Variants in KCNH8 observed in about 807,000 individuals in gnomAD.
The protein encoded by KCNH8 is potassium voltage-gated channel subfamily H member 8.
In KCNH8, 70 loss-of-function variants were observed where a neutral mutation model predicts 103.6. That is an observed-to-expected ratio of 0.68 (90% CI 0.56 to 0.82). The LOEUF (loss-of-function observed/expected upper bound fraction) is 0.82. Among genes scored for constraint, KCNH8 ranks in the 40% least tolerant of loss-of-function variants. The pLI is 0.00. For missense variants in KCNH8, 1,217 were observed against 1,329.9 expected (o/e 0.92, Z 1.32); for synonymous variants, 498 against 489.4 (o/e 1.02, Z -0.23).
intron 1 of KCNH8, among the ~76,000 whole-genome samples, chr3:19,180,274 AAGACAGACTTGGCCCTTCAAAGGG>A (rs2063438983): frequency 2.0e-5 from 3 of 147,502 alleles, no homozygotes; most frequent in Non-Finnish European, 4.4e-5. Flanking sequence ...TCAAAGGGCC[AAGACAGACTTGGCCCTTCAAAGGG>A]CCAAGACTCT....
At chr3:19,262,057 T>C (rs1227054279) in intron 2 of KCNH8, among the ~76,000 whole-genome samples, 1 of 151,942 alleles carries the variant, frequency 6.6e-6, no homozygotes, top group Non-Finnish European at 1.5e-5. Flanking sequence ...TTCTAACCTT[T>C]TTTTTTCTTT....
chr3:19,198,361 C>G (rs1276051696), intron 1 of KCNH8, among the ~76,000 whole-genome samples: 2 of 151,962 alleles, frequency 1.3e-5, no homozygotes, highest in Non-Finnish European at 2.9e-5. Flanking sequence ...ATTATTCCAA[C>G]CAAGCAAGTA....
chr3:19,420,820 T>G (rs1190569327), intron 7 of KCNH8, among the ~76,000 whole-genome samples: 2 of 152,218 alleles, frequency 1.3e-5, no homozygotes, highest in African/African-American at 4.8e-5. Context: ...TAGAGATACT[T>G]AAATGAAAAT....
chr3:19,305,119 C>T (rs2065114114), intron 3 of KCNH8, among the ~76,000 whole-genome samples: 1 of 151,530 alleles, frequency 6.6e-6, no homozygotes, highest in African/African-American at 2.4e-5. Flanking sequence ...AAAAAAAGTG[C>T]TATACGAAGG....
At chr3:19,470,624 C>T (rs972344508) in intron 11 of KCNH8, among the ~76,000 whole-genome samples, 4 of 152,018 alleles carry the variant, frequency 2.6e-5, no homozygotes, top group African/African-American at 9.7e-5. Flanking sequence ...GAGAGATCAC[C>T]CTGTAGTAGC....
At chr3:19,289,796 T>G (rs191985883) in intron 3 of KCNH8, among the ~76,000 whole-genome samples, 6 of 152,326 alleles carry the variant, frequency 3.9e-5, no homozygotes, top group East Asian at 1.9e-4. Flanking sequence ...GTCATTGGTA[T>G]CTTGATGTGG....
At chr3:19,222,577 A>G (rs980122665) in intron 1 of KCNH8, among the ~76,000 whole-genome samples, 1 of 152,250 alleles carries the variant, frequency 6.6e-6, no homozygotes, top group Non-Finnish European at 1.5e-5. Flanking sequence ...GATTTAGAAG[A>G]TATCAGTAAA....
rs145225771 is a variant in KCNH8, at chr3:19,311,861, A to G, written c.442+30532A>G. On this transcript the variant is annotated intron_variant, in intron 3 of 15. Transcript: ENST00000328405. ...GCCTTTCTGAGAACTGAGTTAACAC[A>G]GAGTCTTGACCAAAATTCCTGTTTT... Among the ~76,000 whole-genome samples, 652 of 152,046 alleles carry G rather than the reference A, an allele frequency of 4.3e-3. 5 individuals carry two copies. The highest frequency in any genetic ancestry group is 0.015 in the African/African-American group (607 of 41,516).
Position 19,533,755 on chromosome 3 carries a change from T to G in KCNH8, c.2980T>G (p.Ser994Ala). The change falls in exon 16 of 16, where the codon TCA becomes GCA. Residue 994 changes from serine (S) to alanine (A), a missense_variant. Ser to Ala is a moderately conservative substitution (Grantham distance 99). Around this residue, in one of 3 missense-constraint regions of KCNH8, gnomAD observed 558 missense variants for 495.8 expected, o/e 1.13. Transcript: ENST00000328405. ...TTATCATTCTCCAAGCCTTGATTAT[T>G]CACCTTCCCACTACCAGGTTGTCCA... ...ELYHSPSLDY[S>A]PSHYQVVQEG... 1 of 1,614,230 alleles carries G rather than the reference T, an allele frequency of 6.2e-7. No individual in the cohort carries two copies. The highest frequency in any genetic ancestry group is 1.1e-5 in the South Asian group (1 of 91,086).
intron 3 of KCNH8, among the ~76,000 whole-genome samples, chr3:19,298,255 A>G (rs4264750): frequency 0.46 from 70,505 of 152,044 alleles, 17,216 homozygotes; most frequent in Non-Finnish European, 0.56. Context: ...GTTATGATCA[A>G]TTATTGAAGT....
At position 19,253,662 on chromosome 3, in the gene KCNH8, T is replaced by C; in HGVS notation, c.85T>C (p.Phe29Leu). The C allele has an allele frequency of 6.2e-7, 1 of 1,612,562 alleles. No individual in the cohort carries two copies. The highest frequency in any genetic ancestry group is 8.5e-7 in the Non-Finnish European group (1 of 1,178,940). Reference sequence around the variant, plus strand: ...TCCTTGTTTTTCTATAGATAGCAACTTCATCCTTGCCAATGCCCAGGTGGC... The same window carrying C: ...TCCTTGTTTTTCTATAGATAGCAACCTCATCCTTGCCAATGCCCAGGTGGC... Reference protein sequence around the residue: ...ATRFDGTHSNFILANAQVAKG... With the variant: ...ATRFDGTHSNLILANAQVAKG... The change falls in exon 2 of 16, where the codon TTC becomes CTC. Residue 29 changes from phenylalanine to leucine, a missense_variant. Transcript: ENST00000328405.
chr3:19,167,566 TA>T (rs2063298057), intron 1 of KCNH8, among the ~76,000 whole-genome samples: 1 of 152,240 alleles, frequency 6.6e-6, no homozygotes, highest in Admixed American at 6.5e-5. Context: ...CATTGCTTTT[TA>T]GGACTTTTTA....
At chr3:19,418,650 C>T (rs570215820) in intron 7 of KCNH8, among the ~76,000 whole-genome samples, 1 of 152,078 alleles carries the variant, frequency 6.6e-6, no homozygotes, top group Non-Finnish European at 1.5e-5. Context: ...ATGGGTTGGC[C>T]TTTTAGCTGA....
chr3:19,287,107 C>CAA (rs201704391), intron 3 of KCNH8, among the ~76,000 whole-genome samples: 3 of 126,582 alleles, frequency 2.4e-5, no homozygotes, highest in African/African-American at 8.6e-5. Flanking sequence ...GATGGTAATG[C>CAA]AAAAAAAAAA....
At chr3:19,241,507 C>T (rs2064140970) in intron 1 of KCNH8, among the ~76,000 whole-genome samples, 1 of 151,960 alleles carries the variant, frequency 6.6e-6, no homozygotes, top group Non-Finnish European at 1.5e-5. Context: ...ACATGTAAAC[C>T]TCCTCATGAC....
At chr3:19,285,686 A>C (rs2064820956) in intron 3 of KCNH8, among the ~76,000 whole-genome samples, 1 of 151,606 alleles carries the variant, frequency 6.6e-6, no homozygotes, top group Admixed American at 6.6e-5. Flanking sequence ...AAATGACTTG[A>C]CAAAGTTGAC....
At chr3:19,374,800 G>C (rs4425284) in intron 5 of KCNH8, among the ~76,000 whole-genome samples, 16,393 of 151,860 alleles carry the variant, frequency 0.11, 1,008 homozygotes, top group East Asian at 0.18. Flanking sequence ...GGCAGGCCTG[G>C]TGGTGACAAA....
chr3:19,384,551 T>A (rs537465246), intron 5 of KCNH8, among the ~76,000 whole-genome samples: 26 of 152,300 alleles, frequency 1.7e-4, no homozygotes, highest in Non-Finnish European at 3.4e-4. Context: ...AGGGTTTTTT[T>A]AACTGTGACA....
chr3:19,506,843 C>G (rs921386631), intron 11 of KCNH8, among the ~76,000 whole-genome samples: 1 of 151,930 alleles, frequency 6.6e-6, no homozygotes, highest in Non-Finnish European at 1.5e-5. Context: ...GGCACCCTAC[C>G]TGATAACAAG....
Sources: gnomAD v4.1 joint callset for allele counts (sites outside exome capture counted in the v4.1 genomes callset) on GRCh38, gnomAD v4.1.1 for gene constraint, gnomAD v4.1.1 regional missense constraint, MANE v1.5 for transcripts, NCBI Gene and HGNC (gene_info 2026-07-23, HGNC 2026-07-21) for gene names.